CNTNAP2: variants seen among roughly 807,000 people sequenced by gnomAD.
CNTNAP2 encodes the protein contactin-associated protein-like 2.
CNTNAP2 carries 98 observed loss-of-function variants against 155.2 expected under a neutral mutation model. The observed-to-expected ratio is 0.63, with a 90% confidence interval of 0.54 to 0.75. The LOEUF is 0.75. Among genes scored for constraint, CNTNAP2 ranks in the 30% least tolerant of loss-of-function variants. CNTNAP2 has a pLI of 0.00. For synonymous variants in CNTNAP2, 651 were observed against 631.2 expected (o/e 1.03, Z -0.47); for missense variants, 1,727 against 1,688.1 (o/e 1.02, Z -0.40).
At chr7:147,984,906 GGAGTTT>G (rs1436891450) in intron 15 of CNTNAP2, among the ~76,000 whole-genome samples, 1 of 152,038 alleles carries the variant, frequency 6.6e-6, no homozygotes. Flanking sequence ...CTTGAGGTCA[GGAGTTT>G]GAGACCAGCC....
chr7:148,162,566 A>G (rs184786865), intron 17 of CNTNAP2, among the ~76,000 whole-genome samples: 1 of 152,368 alleles, frequency 6.6e-6, no homozygotes, highest in Non-Finnish European at 1.5e-5. Context: ...GCACTAAGAA[A>G]TAAATATGAT....
intron 21 of CNTNAP2, among the ~76,000 whole-genome samples, chr7:148,319,453 G>A (rs563775825): frequency 1.3e-5 from 2 of 152,178 alleles, no homozygotes; most frequent in African/African-American, 4.8e-5. Context: ...AAAACCTTGT[G>A]AATACAATCA....
At chr7:147,802,148 C>G (rs1361033220) in intron 13 of CNTNAP2, among the ~76,000 whole-genome samples, 1 of 150,664 alleles carries the variant, frequency 6.6e-6, no homozygotes, top group Non-Finnish European at 1.5e-5. Context: ...GGGTCGCGGC[C>G]GGGCAGAGGC....
chr7:147,537,473 C>A lies in CNTNAP2; in HGVS notation c.1778-24665C>A, dbSNP rs141643376. ...ATTTTGCTAAAGTAAAGTACCTATT[C>A]TCAATGTAAATGTGGTATTGGCTAC... On this transcript the variant is annotated intron_variant, in intron 11 of 23. Coordinates refer to ENST00000361727, the MANE Select transcript of CNTNAP2 (RefSeq NM_014141.6). Among the ~76,000 whole-genome samples the A allele has an allele frequency of 2.5e-3, 383 of 152,082 alleles. 2 individuals carry two copies. The highest frequency in any genetic ancestry group is 8.8e-3 in the African/African-American group (367 of 41,480).
chr7:146,302,505 C>T (rs576407912), intron 1 of CNTNAP2, among the ~76,000 whole-genome samples: 18 of 152,210 alleles, frequency 1.2e-4, no homozygotes, highest in Non-Finnish European at 2.5e-4. Context: ...TATATTAACA[C>T]ATTTAATCCT....
intron 1 of CNTNAP2, among the ~76,000 whole-genome samples, chr7:146,431,360 G>T (rs916439153): frequency 7.9e-5 from 12 of 151,924 alleles, no homozygotes; most frequent in Non-Finnish European, 1.8e-4. Context: ...AATTATTAAA[G>T]AATATTTCCA....
chr7:147,558,604 A>G (rs1200754692), intron 11 of CNTNAP2, among the ~76,000 whole-genome samples: 1 of 152,222 alleles, frequency 6.6e-6, no homozygotes, highest in Non-Finnish European at 1.5e-5. Flanking sequence ...AGCGTTGATG[A>G]GGCAAAGCAG....
At chr7:146,661,146 A>C (rs1585029755) in intron 1 of CNTNAP2, among the ~76,000 whole-genome samples, 1 of 152,150 alleles carries the variant, frequency 6.6e-6, no homozygotes, top group East Asian at 1.9e-4. Context: ...GGTTTCTCCC[A>C]AAAACACACT....
intron 1 of CNTNAP2, among the ~76,000 whole-genome samples, chr7:146,625,995 G>T (rs1400350751): frequency 6.6e-6 from 1 of 151,974 alleles, no homozygotes; most frequent in African/African-American, 2.4e-5. Context: ...CACTAGTTTG[G>T]AAATGGATGA....
At chr7:146,905,541 T>G (rs1796102433) in intron 3 of CNTNAP2, among the ~76,000 whole-genome samples, 1 of 152,064 alleles carries the variant, frequency 6.6e-6, no homozygotes, top group Non-Finnish European at 1.5e-5. Context: ...ATAAAGAAAG[T>G]GTATAGAATT....
intron 6 of CNTNAP2, among the ~76,000 whole-genome samples, chr7:147,123,295 C>T (rs1163666435): frequency 6.6e-6 from 1 of 152,092 alleles, no homozygotes; most frequent in African/African-American, 2.4e-5. Flanking sequence ...TTTGAAGTAC[C>T]ATAGAAGAGG....
chr7:147,228,569 A>G (rs1393812971), intron 8 of CNTNAP2, among the ~76,000 whole-genome samples: 2 of 152,232 alleles, frequency 1.3e-5, no homozygotes, highest in East Asian at 3.8e-4. Flanking sequence ...TCATTTAGAT[A>G]TAAGATACTA....
Position 148,115,200 on chromosome 7 carries a change from C to G in CNTNAP2, c.2384-2918C>G, listed in dbSNP as rs1206060657. Among the ~76,000 whole-genome samples, 3 of 152,330 alleles carry G rather than the reference C, an allele frequency of 2.0e-5. No homozygotes were observed. In the East Asian group the frequency reaches 5.8e-4, roughly 29 times the overall value. On this transcript the variant is annotated intron_variant, in intron 15 of 23. Transcript: ENST00000361727. ...TGGTCTATAGAGATATTTCATCACA[C>G]TTGAATAACTGATGGAACTACTTTT...
chr7:148,367,199 C>T (rs1252374169), intron 21 of CNTNAP2, among the ~76,000 whole-genome samples: 1 of 151,796 alleles, frequency 6.6e-6, no homozygotes, highest in East Asian at 1.9e-4. Context: ...CCACTGCACT[C>T]CAGCCTGGTG....
At chr7:146,827,419 C>A (rs137928081) in intron 2 of CNTNAP2, among the ~76,000 whole-genome samples, 1 of 151,790 alleles carries the variant, frequency 6.6e-6, no homozygotes, top group Admixed American at 6.6e-5. Context: ...AGCTTTGAAG[C>A]ATTTTGTAGT....
intron 1 of CNTNAP2, among the ~76,000 whole-genome samples, chr7:146,426,408 TACAC>T (rs1315894440): frequency 2.2e-5 from 3 of 136,596 alleles, no homozygotes; most frequent in African/African-American, 5.8e-5. Flanking sequence ...TATATATATA[TACAC>T]ACACACACAT....
intron 11 of CNTNAP2, among the ~76,000 whole-genome samples, chr7:147,550,746 A>G (rs937987200): frequency 5.9e-5 from 9 of 152,194 alleles, no homozygotes; most frequent in Admixed American, 3.9e-4. Context: ...GCACCTTCTG[A>G]AACGATCTTG....
intron 3 of CNTNAP2, among the ~76,000 whole-genome samples, chr7:146,964,084 C>G (rs1797608780): frequency 6.6e-6 from 1 of 152,124 alleles, no homozygotes. Context: ...CATGAGTTTC[C>G]TCTTGATCTA....
At chr7:148,133,354 C>A (rs1162430526) in intron 16 of CNTNAP2, among the ~76,000 whole-genome samples, 1 of 152,090 alleles carries the variant, frequency 6.6e-6, no homozygotes, top group Non-Finnish European at 1.5e-5. Flanking sequence ...CCCAACTACT[C>A]AGGAGGCTGA....
Sources: gnomAD v4.1 joint callset for allele counts (sites outside exome capture counted in the v4.1 genomes callset) on GRCh38, gnomAD v4.1.1 for gene constraint, MANE v1.5 for transcripts, NCBI Gene and HGNC (gene_info 2026-07-23, HGNC 2026-07-21) for gene names.